Variants in ARHGAP32 observed in about 807,000 individuals in gnomAD.
ARHGAP32 encodes the protein rho GTPase-activating protein 32.
ARHGAP32 carries 51 observed loss-of-function variants against 186.5 expected under a neutral mutation model. The ratio of observed to expected loss-of-function variants is 0.27; its 90% CI spans 0.22 to 0.35. The LOEUF (loss-of-function observed/expected upper bound fraction) is 0.35, where lower values mean the gene tolerates loss of function less well. Ranked by LOEUF, ARHGAP32 falls within the 10% of genes least tolerant of loss-of-function variation. The pLI is 1.00. For synonymous variants in ARHGAP32, 950 were observed against 964.3 expected (o/e 0.99, Z 0.27); for missense variants, 2,186 against 2,623.5 (o/e 0.83, Z 3.64).
upstream of ARHGAP32, among the ~76,000 whole-genome samples, chr11:129,195,847 A>AC (rs1156441720): frequency 6.6e-6 from 1 of 152,238 alleles, no homozygotes; most frequent in African/African-American, 2.4e-5. Context: ...GGGATGGAAC[A>AC]CAGCCGAGTC....
In ARHGAP32 at chr11:128,973,377, A is replaced by C. The variant is rs773275809; in HGVS notation, c.3129T>G (p.Leu1043=). The change falls in exon 22 of 23, where the codon CTT becomes CTG. Residue 1043 remains leucine, a synonymous_variant. Coordinates refer to ENST00000682385, the MANE Select transcript of ARHGAP32 (RefSeq NM_001378024.1). The stretch of plus-strand genomic sequence containing the variant: ...TTTTCGGAGGCGGTGGTGGTGGGAT[A>C]AGAGAGACTGAACTGACAGGAACGG... ...QDSVPVSSVS[L]IPPPPPPKNV... The C allele has an allele frequency of 1.2e-6, 2 of 1,614,066 alleles. No individual in the cohort carries two copies. The highest frequency in any genetic ancestry group is 8.5e-7 in the Non-Finnish European group (1 of 1,180,010).
At chr11:129,052,138 T>G (rs1327843429) in intron 10 of ARHGAP32, among the ~76,000 whole-genome samples, 1 of 152,184 alleles carries the variant, frequency 6.6e-6, no homozygotes, top group East Asian at 1.9e-4. Context: ...CGTCTGGATA[T>G]CCAAGTGTTC....
chr11:129,012,836 C>T (rs1014393461), intron 11 of ARHGAP32, among the ~76,000 whole-genome samples: 1 of 152,224 alleles, frequency 6.6e-6, no homozygotes, highest in Non-Finnish European at 1.5e-5. Context: ...TCATTTCCTT[C>T]ACATCGATTA....
intron 1 of ARHGAP32, among the ~76,000 whole-genome samples, chr11:129,228,231 G>A (rs1253588395): frequency 1.3e-5 from 2 of 152,130 alleles, no homozygotes; most frequent in Non-Finnish European, 1.5e-5. Context: ...GCCACACTTA[G>A]AGGAAATGTA....
intron 11 of ARHGAP32, among the ~76,000 whole-genome samples, chr11:129,036,205 C>A (rs909736213): frequency 2.0e-5 from 3 of 151,916 alleles, no homozygotes; most frequent in African/African-American, 4.8e-5. Flanking sequence ...ATGGAGAAAA[C>A]CCGTTTCTAT....
chr11:129,116,348 C>G (rs1198824750), intron 5 of ARHGAP32, among the ~76,000 whole-genome samples: 3 of 152,022 alleles, frequency 2.0e-5, no homozygotes, highest in Non-Finnish European at 2.9e-5. Flanking sequence ...TGAATAATCT[C>G]AAACGAGATA....
At chr11:129,060,802 T>C (rs1940468899) in intron 10 of ARHGAP32, among the ~76,000 whole-genome samples, 1 of 137,448 alleles carries the variant, frequency 7.3e-6, no homozygotes, top group Non-Finnish European at 1.6e-5. Flanking sequence ...AATCAACACT[T>C]ATTGATTAAA....
At chr11:129,178,180 C>T (rs1943963484) in intron 1 of ARHGAP32, among the ~76,000 whole-genome samples, 2 of 152,072 alleles carry the variant, frequency 1.3e-5, no homozygotes, top group South Asian at 4.2e-4. Context: ...CATGAGTGAA[C>T]TCACATTCAC....
At chr11:128,985,858 G>GCATATA (rs1555063868) in intron 15 of ARHGAP32, 145 bp downstream of exon 15, 1 of 95,312 alleles carries the variant, frequency 1.0e-5, no homozygotes, top group East Asian at 3.2e-4. Context: ...GTGTGTGTGT[G>GCATATA]TATATATATA....
intron 19 of ARHGAP32, among the ~76,000 whole-genome samples, chr11:128,977,890 A>G (rs868368721): frequency 8.5e-6 from 1 of 117,170 alleles, no homozygotes; most frequent in Non-Finnish European, 1.8e-5. Context: ...TATTATTATT[A>G]TTATTTTGTA....
At chr11:129,148,660 G>A (rs1248538328) in intron 2 of ARHGAP32, among the ~76,000 whole-genome samples, 1 of 152,114 alleles carries the variant, frequency 6.6e-6, no homozygotes, top group Non-Finnish European at 1.5e-5. Context: ...AGATACAAAC[G>A]TAGGAGCCAC....
chr11:129,045,376 C>T (rs188662586), intron 10 of ARHGAP32, among the ~76,000 whole-genome samples: 153 of 152,276 alleles, frequency 1.0e-3, no homozygotes, highest in African/African-American at 3.4e-3. Flanking sequence ...TCATCTTTTC[C>T]GCTCAGTTTT....
At chr11:129,073,724 A>T (rs1940942792) in intron 6 of ARHGAP32, among the ~76,000 whole-genome samples, 1 of 151,498 alleles carries the variant, frequency 6.6e-6, no homozygotes, top group Non-Finnish European at 1.5e-5. Flanking sequence ...AGAGAACATA[A>T]AGCAGGATAA....
intron 11 of ARHGAP32, among the ~76,000 whole-genome samples, chr11:129,021,898 A>C (rs183014417): frequency 1.8e-4 from 28 of 152,180 alleles, no homozygotes; most frequent in African/African-American, 6.0e-4. Context: ...TACCAGAAGC[A>C]GGAGGAAAAA....
chr11:129,058,176 G>GAAA (rs150926865), intron 10 of ARHGAP32, among the ~76,000 whole-genome samples: 33 of 133,092 alleles, frequency 2.5e-4, no homozygotes, highest in Admixed American at 3.1e-4. Flanking sequence ...CCCAATAACA[G>GAAA]AAAAAAAAAT....
At chr11:129,074,522 C>T (rs1248402827) in intron 6 of ARHGAP32, among the ~76,000 whole-genome samples, 6 of 152,068 alleles carry the variant, frequency 3.9e-5, no homozygotes, top group Non-Finnish European at 7.4e-5. Context: ...GAGATGGAGT[C>T]TCGCTCTGTT....
chr11:128,987,047 G>A (rs1286623708), intron 13 of ARHGAP32, among the ~76,000 whole-genome samples: 2 of 152,172 alleles, frequency 1.3e-5, no homozygotes, highest in African/African-American at 4.8e-5. Flanking sequence ...ATTGATCTAT[G>A]AACAATTATG....
chr11:129,193,681 A>AAT (rs1170578675), upstream of ARHGAP32, among the ~76,000 whole-genome samples: 2 of 45,702 alleles, frequency 4.4e-5, no homozygotes, highest in Non-Finnish European at 8.0e-5. Flanking sequence ...TATAATATAT[A>AAT]ATATATATTA....
chr11:129,042,870 G>T (rs916451914), intron 10 of ARHGAP32, among the ~76,000 whole-genome samples: 1 of 152,122 alleles, frequency 6.6e-6, no homozygotes. Flanking sequence ...GGACTTGGGG[G>T]GATGAAGAAG....
Sources: allele counts gnomAD v4.1 joint callset (sites outside exome capture counted in the v4.1 genomes callset), GRCh38; gene constraint gnomAD v4.1.1; transcripts MANE v1.5; gene names NCBI Gene and HGNC (gene_info 2026-07-23, HGNC 2026-07-21).